The following SERINC5 variants were observed in gnomAD, a reference collection of about 807,000 sequenced individuals.
SERINC5 encodes the protein serine incorporator 5.
A neutral mutation model predicts 63.1 loss-of-function variants in SERINC5; 41 were observed. That is an observed-to-expected ratio of 0.65 (90% CI 0.51 to 0.84). SERINC5 has a LOEUF of 0.84. SERINC5 is among the 40% of genes least tolerant of loss of function. The pLI is 0.00. For missense variants in SERINC5, 523 were observed against 573.0 expected (o/e 0.91, Z 0.89); for synonymous variants, 222 against 215.2 (o/e 1.03, Z -0.28).
intron 1 of SERINC5, among the ~76,000 whole-genome samples, chr5:80,239,509 C>T (rs149409381): frequency 2.7e-4 from 40 of 146,784 alleles, no homozygotes; most frequent in African/African-American, 9.6e-4. Flanking sequence ...AATGTACCAA[C>T]GACATGACAA....
intron 11 of SERINC5, among the ~76,000 whole-genome samples, chr5:80,132,596 G>C (rs993889740): frequency 7.0e-6 from 1 of 142,468 alleles, no homozygotes; most frequent in Non-Finnish European, 1.6e-5. Context: ...ATTTGCCTTA[G>C]TTCTTTTTTT....
chr5:80,128,120 A>G (rs950899976), intron 11 of SERINC5, among the ~76,000 whole-genome samples: 6 of 152,256 alleles, frequency 3.9e-5, no homozygotes, highest in African/African-American at 1.4e-4. Context: ...TAATGGTTAC[A>G]AAACTTATTT....
At chr5:80,252,386 TC>T (rs1344183743) in intron 1 of SERINC5, among the ~76,000 whole-genome samples, 2 of 152,022 alleles carry the variant, frequency 1.3e-5, no homozygotes, top group East Asian at 3.9e-4. Context: ...GTAGCTAACT[TC>T]CCCCAACACT....
chr5:80,223,003 T>C (rs962298059), intron 1 of SERINC5, among the ~76,000 whole-genome samples: 1 of 152,056 alleles, frequency 6.6e-6, no homozygotes, highest in Non-Finnish European at 1.5e-5. Context: ...GGAACTACTG[T>C]GCCAGAATGC....
intron 1 of SERINC5, among the ~76,000 whole-genome samples, chr5:80,229,050 T>TGGGGGGGTGG (rs1174325559): frequency 1.1e-5 from 1 of 94,104 alleles, no homozygotes; most frequent in South Asian, 3.3e-4. Context: ...TTTTTTTTTT[T>TGGGGGGGTGG]GGGGATGGAG....
chr5:80,191,084 G>A (rs1179303914), intron 2 of SERINC5, among the ~76,000 whole-genome samples: 1 of 151,754 alleles, frequency 6.6e-6, no homozygotes, highest in East Asian at 1.9e-4. Context: ...GAATTTGGGG[G>A]CCAGTTTTCT....
Position 80,222,555 on chromosome 5 carries a change from T to TATGTGA in SERINC5, c.28-19503_28-19502insTCACAT, listed in dbSNP as rs199788461. Among the ~76,000 whole-genome samples, 980 of 132,542 alleles carry TATGTGA rather than the reference T, an allele frequency of 7.4e-3. 8 individuals carry two copies. Among genetic ancestry groups the TATGTGA allele is most frequent in the Non-Finnish European group, 0.012 (663 of 56,578 alleles). The allele number at this position is 132,542 out of a possible 152,430, so 87.0% of individuals were successfully genotyped here. ...TTTTGGTGGGTTTTTTGTGGGTGAG[T>TATGTGA]GTGTGAGTGTGTGAGTGTGTGTGTG... On this transcript the variant is annotated intron_variant, in intron 1 of 11. Transcript: ENST00000507668.
intron 11 of SERINC5, among the ~76,000 whole-genome samples, chr5:80,127,514 A>G (rs1744789962): frequency 6.6e-6 from 1 of 152,222 alleles, no homozygotes; most frequent in African/African-American, 2.4e-5. Flanking sequence ...TTACCACAGC[A>G]TAACTTAGCC....
intron 1 of SERINC5, among the ~76,000 whole-genome samples, chr5:80,238,342 C>G (rs13359302): frequency 0.5 from 75,630 of 151,888 alleles, 19,078 homozygotes; most frequent in Middle Eastern, 0.58. Context: ...AGATAGTACA[C>G]TCTTAGAAAC....
In SERINC5 at chr5:80,186,351, T is replaced by C. The variant is rs141087355; in HGVS notation, c.196-8287A>G. On this transcript the variant is annotated intron_variant, in intron 2 of 11. Transcript: ENST00000507668. ...TGGGGTTTCACTATGTTGGCCAGGCTGGTCTCGAACTCCTGACCTCAGGTG... is the reference window on the plus strand; with the variant it reads ...TGGGGTTTCACTATGTTGGCCAGGCCGGTCTCGAACTCCTGACCTCAGGTG... Among the ~76,000 whole-genome samples, 369 of 152,194 alleles carry C rather than the reference T, an allele frequency of 2.4e-3. 5 individuals are homozygous for C. Among genetic ancestry groups the C allele is most frequent in the African/African-American group, 8.6e-3 (358 of 41,496 alleles).
intron 2 of SERINC5, among the ~76,000 whole-genome samples, chr5:80,186,237 A>G (rs1387844875): frequency 6.6e-6 from 1 of 151,076 alleles, no homozygotes; most frequent in Non-Finnish European, 1.5e-5. Flanking sequence ...CCCAGGTTCA[A>G]GTGATTCTCC....
At chr5:80,123,104 A>ATTTT (rs3038377) in intron 11 of SERINC5, among the ~76,000 whole-genome samples, 92,089 of 151,662 alleles carry the variant, frequency 0.61, 28,763 homozygotes, top group African/African-American at 0.74. Flanking sequence ...TTTGTCATCA[A>ATTTT]TTTTTCTTTG....
chr5:80,163,011 T>A (rs1262233216), intron 7 of SERINC5, among the ~76,000 whole-genome samples: 1 of 151,906 alleles, frequency 6.6e-6, no homozygotes, highest in East Asian at 1.9e-4. Context: ...CACACCACTA[T>A]GACTGGCTAA....
intron 1 of SERINC5, among the ~76,000 whole-genome samples, chr5:80,254,607 A>G (rs896467796): frequency 6.6e-6 from 1 of 152,210 alleles, no homozygotes; most frequent in African/African-American, 2.4e-5. Context: ...AACGGGAATA[A>G]AAGATTTGCA....
downstream of SERINC5, among the ~76,000 whole-genome samples, chr5:80,137,148 A>C (rs1488502104): frequency 1.1e-4 from 13 of 122,004 alleles, no homozygotes; most frequent in African/African-American, 4.1e-4. Flanking sequence ...TCAAAAAAAA[A>C]AAAAAAAAAA....
At chr5:80,174,932 A>G (rs747658717) in intron 5 of SERINC5, 22 bp downstream of exon 5, 9 of 1,542,186 alleles carry the variant, frequency 5.8e-6, no homozygotes, top group Non-Finnish European at 8.0e-6. Context: ...GTCAATGGGA[A>G]GCTTTCCATA....
intron 5 of SERINC5, among the ~76,000 whole-genome samples, chr5:80,171,735 C>CA (rs893617372): frequency 2.0e-5 from 3 of 151,706 alleles, no homozygotes; most frequent in African/African-American, 7.3e-5. Flanking sequence ...AAAAAACAAA[C>CA]AAAAAAATTA....
chr5:80,122,213 A>ATATATATATATATAT (rs1554057292), intron 11 of SERINC5, among the ~76,000 whole-genome samples: 12 of 107,356 alleles, frequency 1.1e-4, no homozygotes, highest in South Asian at 3.4e-4. Flanking sequence ...ATATATATAT[A>ATATATATATATATAT]ATATGAGTTT....
chr5:80,118,237 A>G (rs1744408594), intron 11 of SERINC5, among the ~76,000 whole-genome samples: 1 of 152,110 alleles, frequency 6.6e-6, no homozygotes, highest in Admixed American at 6.5e-5. Context: ...TGGCTAATCC[A>G]GGGTGATCTC....
Sources: gnomAD v4.1 joint callset for allele counts (sites outside exome capture counted in the v4.1 genomes callset) on GRCh38, gnomAD v4.1.1 for gene constraint, MANE v1.5 for transcripts, NCBI Gene and HGNC (gene_info 2026-07-23, HGNC 2026-07-21) for gene names.